The following SUSD4 variants were observed in gnomAD, a reference collection of about 807,000 sequenced individuals.
The protein encoded by SUSD4 is sushi domain-containing protein 4.
Under a neutral mutation model 50.5 loss-of-function variants are expected in SUSD4, and 41 were observed. The ratio of observed to expected loss-of-function variants is 0.81; its 90% CI spans 0.63 to 1.05. The LOEUF is 1.05. SUSD4 is among the 50% of genes least tolerant of loss of function. SUSD4 has a pLI of 0.00. For synonymous variants in SUSD4, 257 were observed against 257.3 expected, an observed-to-expected ratio of 1.00 and a Z score of 0.01; for missense variants, 580 against 634.7, an observed-to-expected ratio of 0.91 and a Z score of 0.93.
chr1:223,345,973 T>C (rs1025422268), intron 2 of SUSD4, among the ~76,000 whole-genome samples: 2 of 152,122 alleles, frequency 1.3e-5, no homozygotes, highest in Non-Finnish European at 2.9e-5. Flanking sequence ...ATGTCTCCCT[T>C]CAGCCTCCCC....
At chr1:223,285,548 AC>A in intron 3 of SUSD4, among the ~76,000 whole-genome samples, 1 of 152,220 alleles carries the variant, frequency 6.6e-6, no homozygotes, top group East Asian at 1.9e-4. Context: ...AGGAAAGAGT[AC>A]CCATGTGCTT....
chr1:223,353,520 G>C (rs112020523), intron 2 of SUSD4, among the ~76,000 whole-genome samples: 1 of 152,168 alleles, frequency 6.6e-6, no homozygotes, highest in African/African-American at 2.4e-5. Flanking sequence ...GAATGGCAAG[G>C]TTAAGGGACC....
At chr1:223,329,777 G>C (rs1364305250) in intron 2 of SUSD4, among the ~76,000 whole-genome samples, 10 of 152,132 alleles carry the variant, frequency 6.6e-5, no homozygotes, top group Non-Finnish European at 4.4e-5. Flanking sequence ...CAGAAGGATG[G>C]ATGGATGAAC....
At chr1:223,256,175 A>G (rs930776838) in intron 5 of SUSD4, among the ~76,000 whole-genome samples, 16 of 152,190 alleles carry the variant, frequency 1.1e-4, no homozygotes, top group African/African-American at 3.4e-4. Flanking sequence ...TTACATGATA[A>G]AAATTCAGGT....
intron 3 of SUSD4, among the ~76,000 whole-genome samples, chr1:223,286,773 C>T (rs1664171838): frequency 1.3e-5 from 2 of 152,204 alleles, no homozygotes; most frequent in Admixed American, 6.5e-5. Context: ...GGCTGGCCAT[C>T]AGATGTAGAA....
At chr1:223,363,528 T>C (rs1669129357) in intron 1 of SUSD4, 68 bp from the exon 2 acceptor site, 1 of 1,359,904 alleles carries the variant, frequency 7.4e-7, no homozygotes, top group African/African-American at 1.5e-5. Context: ...CTCCCCCTCC[T>C]CCGCTCTGGG....
intron 2 of SUSD4, among the ~76,000 whole-genome samples, chr1:223,308,623 C>T (rs557253966): frequency 6.9e-4 from 105 of 152,182 alleles, no homozygotes; most frequent in African/African-American, 2.4e-3. Context: ...AATGTTATTG[C>T]TGGATAAAAA....
intron 5 of SUSD4, among the ~76,000 whole-genome samples, chr1:223,238,616 G>A (rs1020949906): frequency 6.6e-6 from 1 of 151,900 alleles, no homozygotes; most frequent in African/African-American, 2.4e-5. Flanking sequence ...TTATTTAGAA[G>A]TACATTGTCT....
At chr1:223,279,251 G>T (rs956614601) in intron 3 of SUSD4, among the ~76,000 whole-genome samples, 1 of 152,176 alleles carries the variant, frequency 6.6e-6, no homozygotes, top group South Asian at 2.1e-4. Context: ...AGAGAAGAAG[G>T]CTTCAGACGA....
At chr1:223,320,754 A>G (rs1666526551) in intron 2 of SUSD4, among the ~76,000 whole-genome samples, 1 of 152,108 alleles carries the variant, frequency 6.6e-6, no homozygotes. Context: ...TTCTTGCTCA[A>G]TGCCCTGAGC....
At chr1:223,304,135 C>G (rs909906629) in intron 2 of SUSD4, among the ~76,000 whole-genome samples, 1 of 152,128 alleles carries the variant, frequency 6.6e-6, no homozygotes, top group Non-Finnish European at 1.5e-5. Context: ...GCCCCTCATG[C>G]GTCCGTTTAT....
chr1:223,297,916 G>A (rs536510016), intron 2 of SUSD4, among the ~76,000 whole-genome samples: 28 of 151,980 alleles, frequency 1.8e-4, no homozygotes, highest in Admixed American at 3.9e-4. Flanking sequence ...GTGGATGGAT[G>A]GACAGGTGGA....
chr1:223,297,801 C>T (rs571539571), intron 2 of SUSD4, among the ~76,000 whole-genome samples: 3 of 152,224 alleles, frequency 2.0e-5, no homozygotes, highest in South Asian at 2.1e-4. Flanking sequence ...TCTTCACCTC[C>T]TCAGCATCTG....
At position 223,264,646 on chromosome 1, in the gene SUSD4, C is replaced by T. The variant is rs375026842; in HGVS notation, c.708G>A (p.Arg236=). ...ATGTGTTACCTTCCAGAGCAAGGCA[C>T]CGGGGTGGGCTGGACGACCAGATAA... The part of the protein sequence containing the change: ...QNLIWSSSPP[R]CLALEVCPLP... The change falls in exon 5 of 9, where the codon CGG becomes CGA. Residue 236 remains arginine (R), a synonymous_variant. Coordinates refer to ENST00000366878, the MANE Select transcript of SUSD4 (RefSeq NM_017982.4). 190 of 1,613,914 alleles carry T rather than the reference C, an allele frequency of 1.2e-4. No homozygotes were observed. Among genetic ancestry groups the T allele is most frequent in the Non-Finnish European group, 1.6e-4 (184 of 1,179,984 alleles).
chr1:223,355,925 C>G (rs1198735498), intron 2 of SUSD4, among the ~76,000 whole-genome samples: 1 of 152,154 alleles, frequency 6.6e-6, no homozygotes, highest in African/African-American at 2.4e-5. Flanking sequence ...CTTGGGTACA[C>G]ATATAGGGTT....
chr1:223,283,616 C>G (rs1021931462), intron 3 of SUSD4, among the ~76,000 whole-genome samples: 5 of 152,214 alleles, frequency 3.3e-5, no homozygotes, highest in African/African-American at 4.8e-5. Flanking sequence ...AATAGGAACA[C>G]TTTTACACTG....
At chr1:223,252,737 A>C (rs1661421089) in intron 5 of SUSD4, among the ~76,000 whole-genome samples, 1 of 151,476 alleles carries the variant, frequency 6.6e-6, no homozygotes, top group Non-Finnish European at 1.5e-5. Flanking sequence ...TTTAAACTCC[A>C]GTCATGCTTC....
In SUSD4 at chr1:223,231,569, G is replaced by C. The variant is rs931195530; in HGVS notation, c.725-2181C>G. ...CTCTTTTCAAGTTTGCTACCACCAG[G>C]GTGCTCTGGGAGCATCTCCAGGAAA... On this transcript the variant is annotated intron_variant, in intron 5 of 8. Transcript: ENST00000366878. The surrounding 1 kb of genome is among the most constrained non-coding windows in gnomAD (Gnocchi z 4.2). Among the ~76,000 whole-genome samples the C allele has an allele frequency of 6.6e-6, 1 of 152,188 alleles. No homozygotes were observed. The highest frequency in any genetic ancestry group is 1.5e-5 in the Non-Finnish European group (1 of 68,034).
intron 5 of SUSD4, among the ~76,000 whole-genome samples, chr1:223,254,843 T>A (rs1661583098): frequency 6.6e-6 from 1 of 152,204 alleles, no homozygotes; most frequent in African/African-American, 2.4e-5. Flanking sequence ...TCCTTGAGAA[T>A]GCTGTATGGC....
Sources: allele counts gnomAD v4.1 joint callset (sites outside exome capture counted in the v4.1 genomes callset), GRCh38; gene constraint gnomAD v4.1.1; non-coding constraint Gnocchi (gnomAD v3.1); transcripts MANE v1.5; gene names NCBI Gene and HGNC (gene_info 2026-07-23, HGNC 2026-07-21).